The following FAM184B variants were observed in gnomAD, a reference collection of about 807,000 sequenced individuals.
FAM184B encodes the protein family with sequence similarity 184 member B, also known as protein FAM184B.
Under a neutral mutation model 135.9 loss-of-function variants are expected in FAM184B, and 111 were observed. That is an observed-to-expected ratio of 0.82 (90% confidence interval 0.70 to 0.96). The LOEUF (loss-of-function observed/expected upper bound fraction) is 0.96, where lower values mean the gene tolerates loss of function less well. FAM184B is among the 40% of genes least tolerant of loss of function. FAM184B has a pLI of 0.00. For missense variants in FAM184B, 1,375 were observed against 1,323.9 expected, an observed-to-expected ratio of 1.04 and a Z score of -0.60; for synonymous variants, 552 against 524.8, an observed-to-expected ratio of 1.05 and a Z score of -0.71.
chr4:17,642,188 G>A lies in FAM184B; in HGVS notation c.2387C>T (p.Ala796Val). The A allele has an allele frequency of 1.3e-6, 2 of 1,528,098 alleles. No homozygotes were observed. Among genetic ancestry groups the A allele is most frequent in the South Asian group, 1.2e-5 (1 of 83,378 alleles). The allele number at this position is 1,528,098 out of a possible 1,614,324, so 94.7% of individuals were successfully genotyped here. ...GPGQAGSPPG[A>V]AGQGSGEGCG... The stretch of plus-strand genomic sequence containing the variant: ...TCCCTCGCCGGAACCCTGCCCAGCA[G>A]CGCCCGGTGGGGAGCCGGCCTGGCC... Residue 796 changes from alanine (A) to valine (V), a missense_variant, in exon 13 of 18, where the codon GCT (alanine) becomes GTT (valine). By Grantham distance (64) the Ala-to-Val change is moderately conservative (BLOSUM62 0). Transcript: ENST00000265018.
At chr4:17,750,962 C>G (rs1464486147) in intron 1 of FAM184B, among the ~76,000 whole-genome samples, 1 of 152,060 alleles carries the variant, frequency 6.6e-6, no homozygotes, top group East Asian at 1.9e-4. Context: ...CCATAGGACC[C>G]AAGGAGACAT....
At chr4:17,765,067 A>C (rs1480616552) in intron 1 of FAM184B, among the ~76,000 whole-genome samples, 1 of 152,202 alleles carries the variant, frequency 6.6e-6, no homozygotes, top group Non-Finnish European at 1.5e-5. Flanking sequence ...GTCTCAAAAA[A>C]AGAAAAAAAG....
intron 14 of FAM184B, among the ~76,000 whole-genome samples, 157 bp from the exon 15 acceptor site, chr4:17,636,802 G>A (rs1715153814): frequency 6.6e-6 from 1 of 152,164 alleles, no homozygotes. Context: ...TGGGGAGATG[G>A]CTTGCCGAAC....
rs544949552 is a variant in FAM184B, at chr4:17,732,540, T to C, written c.142-22896A>G. On this transcript the variant is annotated intron_variant, in intron 1 of 17. Transcript: ENST00000265018. The stretch of plus-strand genomic sequence containing the variant: ...ATCCCACAGAAATACAAACTACCAT[T>C]AGAGAATACTATAAACACCTCTACA... 8.8e-3 allele frequency among the ~76,000 whole-genome samples: 1,346 copies of C among 152,124 alleles called. 18 individuals are homozygous for C. The highest frequency in any genetic ancestry group is 0.03 in the African/African-American group (1,237 of 41,504).
intron 11 of FAM184B, among the ~76,000 whole-genome samples, chr4:17,649,660 T>TAA (rs377422228): frequency 0.026 from 3,882 of 151,458 alleles, 174 homozygotes; most frequent in African/African-American, 0.09. Flanking sequence ...CTTATTTTCT[T>TAA]AAAAAAAAAT....
At chr4:17,707,380 G>A (rs1717141948) in intron 3 of FAM184B, among the ~76,000 whole-genome samples, 1 of 152,210 alleles carries the variant, frequency 6.6e-6, no homozygotes, top group South Asian at 2.1e-4. Context: ...AGGCACTGTG[G>A]TGAGCCTGGT....
chr4:17,769,741 A>C (rs1429326145), intron 1 of FAM184B, among the ~76,000 whole-genome samples: 1 of 152,186 alleles, frequency 6.6e-6, no homozygotes, highest in Admixed American at 6.5e-5. Flanking sequence ...TTACTTTAAG[A>C]GCAATGGGAG....
intron 1 of FAM184B, among the ~76,000 whole-genome samples, chr4:17,746,808 CG>C (rs1718177648): frequency 6.6e-6 from 1 of 150,486 alleles, no homozygotes; most frequent in Admixed American, 6.6e-5. Context: ...GAGGCTGAGG[CG>C]GGCGGATCAC....
rs771894326 is a variant in FAM184B, at chr4:17,709,105, C to T, written c.681G>A (p.Arg227=). 52 of 1,549,506 alleles carry T rather than the reference C, an allele frequency of 3.4e-5. 2 individuals are homozygous for T. The South Asian group carries it at 5.9e-4, about 18-fold the overall frequency. Residue 227 remains arginine, a synonymous_variant, in exon 2 of 18, where the codon AGG becomes AGA. Transcript: ENST00000265018. ...TGGCCTGCCGGATGGCCTCGTTTTC[C>T]CTCTCGTAGGTGGCCTGCAGCTCCT... ...KAEELQATYE[R]ENEAIRQAMQ...
At chr4:17,718,574 T>C (rs758926028) in intron 1 of FAM184B, among the ~76,000 whole-genome samples, 2 of 152,226 alleles carry the variant, frequency 1.3e-5, no homozygotes, top group African/African-American at 2.4e-5. Flanking sequence ...GTCTTCCCCA[T>C]TGATGTTGAA....
intron 1 of FAM184B, among the ~76,000 whole-genome samples, chr4:17,735,741 G>A (rs961768839): frequency 1.3e-5 from 2 of 152,158 alleles, no homozygotes; most frequent in African/African-American, 4.8e-5. Flanking sequence ...GAATGTGCAA[G>A]ACCACAAGTG....
intron 12 of FAM184B, among the ~76,000 whole-genome samples, chr4:17,646,485 A>G (rs1377633294): frequency 6.6e-6 from 1 of 152,176 alleles, no homozygotes; most frequent in Admixed American, 6.5e-5. Flanking sequence ...GAAGGACAAA[A>G]AACCAAACAC....
chr4:17,741,192 A>C (rs936347022), intron 1 of FAM184B, among the ~76,000 whole-genome samples: 36 of 152,218 alleles, frequency 2.4e-4, no homozygotes, highest in African/African-American at 8.4e-4. Context: ...CAAACATATT[A>C]AATGAGTAGA....
chr4:17,674,704 T>A (rs1479960688), intron 7 of FAM184B, among the ~76,000 whole-genome samples: 4 of 152,212 alleles, frequency 2.6e-5, no homozygotes, highest in Non-Finnish European at 5.9e-5. Flanking sequence ...ATTAACTAAG[T>A]TCATGTAATA....
At chr4:17,758,251 C>T (rs1475829746) in intron 1 of FAM184B, among the ~76,000 whole-genome samples, 7 of 152,192 alleles carry the variant, frequency 4.6e-5, no homozygotes, top group Admixed American at 4.6e-4. Context: ...TTGTTTTTTA[C>T]AGCAAGCCTC....
intron 10 of FAM184B, among the ~76,000 whole-genome samples, chr4:17,656,368 C>G (rs1255293692): frequency 2.6e-5 from 4 of 152,026 alleles, no homozygotes; most frequent in African/African-American, 9.7e-5. Flanking sequence ...AGTAAGTGCC[C>G]GGCAGTCCAT....
intron 1 of FAM184B, among the ~76,000 whole-genome samples, chr4:17,733,673 T>C (rs1240623310): frequency 6.6e-6 from 1 of 152,022 alleles, no homozygotes; most frequent in Non-Finnish European, 1.5e-5. Context: ...CTCAATGAAA[T>C]AAAAGAGGAT....
intron 1 of FAM184B, among the ~76,000 whole-genome samples, chr4:17,712,888 G>A (rs1373128988): frequency 6.6e-6 from 1 of 152,204 alleles, no homozygotes; most frequent in Non-Finnish European, 1.5e-5. Flanking sequence ...CTGTGCATGT[G>A]TGCATTCATT....
intron 13 of FAM184B, among the ~76,000 whole-genome samples, chr4:17,641,461 CTTTTTTTTTTTTTTTTTTTTT>C (rs71167316): frequency 2.4e-4 from 11 of 45,700 alleles, no homozygotes; most frequent in African/African-American, 4.2e-4. Context: ...AGGACTCCCT[CTTTTTTTTTTTTTTTTTTTTT>C]TTTTTTTTTT....
Sources: allele counts gnomAD v4.1 joint callset (sites outside exome capture counted in the v4.1 genomes callset), GRCh38; gene constraint gnomAD v4.1.1; transcripts MANE v1.5; gene names NCBI Gene and HGNC (gene_info 2026-07-23, HGNC 2026-07-21).